The following TET3 variants were observed in gnomAD, a reference collection of about 807,000 sequenced individuals.
TET3 encodes the protein tet methylcytosine dioxygenase 3, also known as methylcytosine dioxygenase TET3.
In TET3, 19 loss-of-function variants were observed where a neutral mutation model predicts 141.4. The ratio of observed to expected loss-of-function variants is 0.13; its 90% confidence interval spans 0.09 to 0.20. The LOEUF (loss-of-function observed/expected upper bound fraction) is 0.20. TET3 is among the 10% of genes least tolerant of loss of function. The pLI is 1.00. For synonymous variants in TET3, 1,043 were observed against 980.9 expected (o/e 1.06, Z -1.18); for missense variants, 1,874 against 2,356.9 (o/e 0.80, Z 4.24).
At chr2:74,043,374 T>C (rs958460544) in intron 3 of TET3, among the ~76,000 whole-genome samples, 1 of 152,164 alleles carries the variant, frequency 6.6e-6, no homozygotes, top group African/African-American at 2.4e-5. Flanking sequence ...GTGTTACTGC[T>C]CCAGCTGTGG....
At chr2:74,135,282 C>T in the TET3 span, 1 of 493,670 alleles carries the variant, frequency 2.0e-6, no homozygotes, top group Non-Finnish European at 3.6e-6. Flanking sequence ...GGGGAAGAAA[C>T]AGGAAAACCT....
At chr2:74,119,139 G>C in the TET3 span, among the ~76,000 whole-genome samples, 3 of 152,102 alleles carry the variant, frequency 2.0e-5, no homozygotes, top group Non-Finnish European at 4.4e-5. Context: ...GATCACTTGA[G>C]GTCAGGAGTT....
At chr2:74,096,291 CAT>C (rs1442680472) in intron 10 of TET3, among the ~76,000 whole-genome samples, 3 of 152,332 alleles carry the variant, frequency 2.0e-5, no homozygotes, top group South Asian at 4.1e-4. Context: ...TAGACCCACA[CAT>C]AGTCTGGGAA....
chr2:74,126,028 G>T, the TET3 span, among the ~76,000 whole-genome samples: 4 of 152,032 alleles, frequency 2.6e-5, no homozygotes, highest in Non-Finnish European at 1.5e-5. Context: ...TGAGTAGCTG[G>T]GATTCTCACC....
Position 74,087,748 on chromosome 2 carries a change from C to A in TET3, c.2680-82C>A. 7.2e-7 allele frequency: 1 copy of A among 1,381,598 alleles called. No homozygotes were observed. Among genetic ancestry groups the A allele is most frequent in the Non-Finnish European group, 9.7e-7 (1 of 1,027,412 alleles). 85.6% of individuals were successfully genotyped at this position (1,381,598 alleles called of 1,614,324 possible). Reference sequence around the variant, plus strand: ...TGCCGTTAAGACCTGCACCCTGGGTCTGTGTGACAAAGGGAGGGGTGGCAC... The same window carrying A: ...TGCCGTTAAGACCTGCACCCTGGGTATGTGTGACAAAGGGAGGGGTGGCAC... On this transcript the variant is annotated intron_variant, in intron 6 of 11. Coordinates refer to ENST00000409262, the MANE Select transcript of TET3 (RefSeq NM_001287491.2). The surrounding 1 kb of genome is among the most constrained non-coding windows in gnomAD (Gnocchi z 4.3).
At chr2:74,064,558 C>T (rs1396060656) in intron 4 of TET3, among the ~76,000 whole-genome samples, 4 of 152,098 alleles carry the variant, frequency 2.6e-5, no homozygotes, top group African/African-American at 2.4e-5. Flanking sequence ...CGTGCCACCA[C>T]GCCTGCCTAA....
At chr2:74,080,167 C>T (rs950485029) in intron 5 of TET3, among the ~76,000 whole-genome samples, 3 of 152,190 alleles carry the variant, frequency 2.0e-5, no homozygotes, top group African/African-American at 7.2e-5. Context: ...GATACAAATG[C>T]CCATGTTTAG....
Position 74,073,656 on chromosome 2 carries a change from T to G in TET3, c.2585+17T>G, listed in dbSNP as rs1373466301. 6.3e-7 allele frequency: 1 copy of G among 1,588,252 alleles called. No homozygotes were observed. Among genetic ancestry groups the G allele is most frequent in the Admixed American group, 1.8e-5 (1 of 56,220 alleles). ...GGAGGAGCGGTGAGTGATACACAGATGTCCAAGGAGAAATGGATGTGCTGT... is the reference window on the plus strand; with the variant it reads ...GGAGGAGCGGTGAGTGATACACAGAGGTCCAAGGAGAAATGGATGTGCTGT... On this transcript the variant is annotated intron_variant, in intron 5 of 11. Transcript: ENST00000409262.
chr2:74,068,572 C>T (rs1689034945), intron 4 of TET3, among the ~76,000 whole-genome samples: 1 of 152,124 alleles, frequency 6.6e-6, no homozygotes, highest in Non-Finnish European at 1.5e-5. Context: ...ATTCTTGTTA[C>T]ATAGGTCATT....
At chr2:73,993,757 T>C (rs1684444606) in intron 2 of TET3, 1 of 152,182 alleles carries the variant, frequency 6.6e-6, no homozygotes, top group Non-Finnish European at 1.5e-5. Context: ...AACTTGTGAA[T>C]TTGTTCTGAC....
At chr2:74,040,674 G>A (rs1295913600) in intron 3 of TET3, among the ~76,000 whole-genome samples, 3 of 152,150 alleles carry the variant, frequency 2.0e-5, no homozygotes, top group African/African-American at 7.2e-5. Context: ...CACTTTGGGA[G>A]GCCGGGGCAG....
At chr2:74,131,650 C>T in the TET3 span, among the ~76,000 whole-genome samples, 2 of 152,150 alleles carry the variant, frequency 1.3e-5, no homozygotes, top group African/African-American at 4.8e-5. Context: ...CCCAGTCAGC[C>T]GGCACCTCAG....
intron 4 of TET3, among the ~76,000 whole-genome samples, chr2:74,064,549 G>A (rs527795070): frequency 1.3e-5 from 2 of 152,186 alleles, no homozygotes; most frequent in African/African-American, 2.4e-5. Context: ...ACAGGCGTGC[G>A]TGCCACCACG....
At position 74,047,824 on chromosome 2, in the gene TET3, C is replaced by T; in HGVS notation, c.1907C>T (p.Ala636Val). Reference protein sequence around the residue: ...QIVLEGLRSPASQEVQAHPPA... With the variant: ...QIVLEGLRSPVSQEVQAHPPA... ...GTCCTGGAAGGGCTTAGGTCCCCAG[C>T]CTCCCAGGAAGTGCAGGCTCATCCA... The change falls in exon 4 of 12, where the codon GCC becomes GTC. Residue 636 changes from alanine to valine, a missense_variant. Ala to Val is a moderately conservative substitution (Grantham distance 64). Around this residue, in one of 10 missense-constraint regions of TET3, gnomAD observed 484 missense variants for 462.2 expected, o/e 1.05. Transcript: ENST00000409262. 4 of 1,613,196 alleles carry T rather than the reference C, an allele frequency of 2.5e-6. No individual in the cohort carries two copies. The highest frequency in any genetic ancestry group is 2.2e-5 in the East Asian group (1 of 44,856).
intron 3 of TET3, among the ~76,000 whole-genome samples, chr2:74,025,037 C>T (rs1480246038): frequency 1.3e-5 from 2 of 151,656 alleles, no homozygotes; most frequent in Non-Finnish European, 2.9e-5. Context: ...TCCTGGCTAA[C>T]ACAGTGAAAC....
At chr2:73,992,600 C>T (rs369329877) in intron 2 of TET3, among the ~76,000 whole-genome samples, 4 of 152,120 alleles carry the variant, frequency 2.6e-5, no homozygotes, top group African/African-American at 9.7e-5. Context: ...AGGCGTGAGC[C>T]ACTGTGCCCG....
rs1389480565 is a variant in TET3, at chr2:73,986,541, G to T, written c.138G>T (p.Gly46=). ...CTGGGAGTGAGTCCCAACTCCGAGG[G>T]GGTGGAGATGGTCGAAAGAAACGGA... ...SMAGSESQLR[G]GGDGRKKRKR... is the part of the protein sequence containing the mutation. The change falls in exon 2 of 12, where the codon GGG becomes GGT. Residue 46 remains glycine, a synonymous_variant. Coordinates refer to ENST00000409262, the MANE Select transcript of TET3 (RefSeq NM_001287491.2). 1 of 1,232,236 alleles carries T rather than the reference G, an allele frequency of 8.1e-7. No individual in the cohort carries two copies. 76.3% of individuals were successfully genotyped at this position (1,232,236 alleles called of 1,614,324 possible).
downstream of TET3, among the ~76,000 whole-genome samples, chr2:74,112,665 A>G (rs1691731042): frequency 2.0e-5 from 3 of 152,210 alleles, no homozygotes; most frequent in Admixed American, 6.5e-5. Context: ...AAGAAATACA[A>G]GAGATTAGAC....
rs1408168175 is a variant in TET3, at chr2:74,105,547, A to G, written c.*3371A>G. The G allele has an allele frequency of 2.5e-6, 1 of 398,064 alleles. No homozygotes were observed. Among genetic ancestry groups the G allele is most frequent in the African/African-American group, 2.1e-5 (1 of 48,568 alleles). 24.7% of individuals were successfully genotyped at this position (398,064 alleles called of 1,614,324 possible). On this transcript the variant is annotated 3_prime_UTR_variant, in exon 12 of 12. Coordinates refer to ENST00000409262, the MANE Select transcript of TET3 (RefSeq NM_001287491.2). ...GCTTTTAGCAGGGCCAATGTTTCCC[A>G]CACCCCGGCTTCATGGGTACTGCTT...
Sources: allele counts gnomAD v4.1 joint callset (sites outside exome capture counted in the v4.1 genomes callset), GRCh38; gene constraint gnomAD v4.1.1; regional missense constraint gnomAD v4.1.1; non-coding constraint Gnocchi (gnomAD v3.1); transcripts MANE v1.5; gene names NCBI Gene and HGNC (gene_info 2026-07-23, HGNC 2026-07-21).